Variants in KBTBD3 observed in about 807,000 individuals in gnomAD.
The protein encoded by KBTBD3 is kelch repeat and BTB domain-containing protein 3.
A neutral mutation model predicts 49.6 loss-of-function variants in KBTBD3; 38 were observed. The observed-to-expected ratio is 0.77, with a 90% CI of 0.59 to 1.00. KBTBD3 has a LOEUF of 1.00. Among genes scored for constraint, KBTBD3 ranks in the 50% least tolerant of loss-of-function variants. The pLI is 0.00. For missense variants in KBTBD3, 661 were observed against 712.0 expected, an observed-to-expected ratio of 0.93 and a Z score of 0.81; for synonymous variants, 214 against 250.4, an observed-to-expected ratio of 0.85 and a Z score of 1.37.
chr11:106,065,494 G>A lies in KBTBD3; in HGVS notation c.-12-6385C>T, dbSNP rs73537628. ...AGTGAGAGAAATGGAGGAAAACCAG[G>A]AGAGGCAGTAGAAACTAAGGGAAGA... On this transcript the variant is annotated intron_variant, in intron 2 of 3. Coordinates refer to ENST00000531837, the MANE Select transcript of KBTBD3 (RefSeq NM_198439.3). Among the ~76,000 whole-genome samples the A allele has an allele frequency of 3.3e-3, 502 of 152,286 alleles. 2 individuals are homozygous for A. The highest frequency in any genetic ancestry group is 0.011 in the African/African-American group (476 of 41,554).
At chr11:106,067,784 C>T (rs1591538098) in intron 2 of KBTBD3, among the ~76,000 whole-genome samples, 1 of 151,780 alleles carries the variant, frequency 6.6e-6, no homozygotes, top group East Asian at 1.9e-4. Flanking sequence ...ACTGACGTTG[C>T]AATAATTGCA....
At chr11:106,064,500 T>G (rs1295504943) in intron 2 of KBTBD3, among the ~76,000 whole-genome samples, 1 of 150,924 alleles carries the variant, frequency 6.6e-6, no homozygotes, top group Non-Finnish European at 1.5e-5. Context: ...GCCAAGATCA[T>G]GCCATTGCAC....
intron 2 of KBTBD3, among the ~76,000 whole-genome samples, chr11:106,066,275 T>C (rs1860809629): frequency 1.3e-5 from 2 of 152,184 alleles, no homozygotes; most frequent in South Asian, 4.1e-4. Flanking sequence ...TAGCCATTTA[T>C]TTGTTGTTTA....
At chr11:106,063,751 T>TGTTTATTAGA (rs1311675197) in intron 2 of KBTBD3, among the ~76,000 whole-genome samples, 2 of 152,098 alleles carry the variant, frequency 1.3e-5, no homozygotes, top group East Asian at 3.9e-4. Flanking sequence ...GCCAACATGG[T>TGTTTATTAGA]GAAACCCCTT....
At chr11:106,058,129 A>C (rs1304257690) in intron 3 of KBTBD3, 4 of 387,126 alleles carry the variant, frequency 1.0e-5, no homozygotes, top group African/African-American at 8.3e-5. Flanking sequence ...TCACACCTGT[A>C]ATCCCAGCAC....
intron 2 of KBTBD3, among the ~76,000 whole-genome samples, chr11:106,066,725 A>G (rs1860815529): frequency 1.2e-5 from 1 of 85,818 alleles, no homozygotes; most frequent in African/African-American, 4.8e-5. Context: ...TAAAAATATA[A>G]TCCCTATTAA....
Position 106,053,268 on chromosome 11 carries a change from T to C in KBTBD3, c.1421A>G (p.Asp474Gly). ...TGTAGCATTGTATTTAAAAAAGCAATCAAGTGATGGGTTAAAAGCATCTGT... is the reference window on the plus strand; with the variant it reads ...TGTAGCATTGTATTTAAAAAAGCAACCAAGTGATGGGTTAAAAGCATCTGT... ...EITDAFNPSL[D>G]CFFKYNATTD... The change falls in exon 4 of 4, where the codon GAT becomes GGT. Residue 474 changes from aspartate (D) to glycine (G), a missense_variant. Transcript: ENST00000531837. 6.2e-7 allele frequency: 1 copy of C among 1,613,644 alleles called. No individual in the cohort carries two copies. The highest frequency in any genetic ancestry group is 8.5e-7 in the Non-Finnish European group (1 of 1,179,788).
intron 3 of KBTBD3, among the ~76,000 whole-genome samples, chr11:106,056,955 C>T (rs1247890298): frequency 6.6e-6 from 1 of 151,968 alleles, no homozygotes; most frequent in African/African-American, 2.4e-5. Context: ...ACAGTAAGGG[C>T]CCCAGGGAAG....
chr11:106,060,145 CT>C (rs200174506), intron 2 of KBTBD3, among the ~76,000 whole-genome samples: 118 of 20,718 alleles, frequency 5.7e-3, no homozygotes, highest in African/African-American at 7.9e-3. Flanking sequence ...ATCTTTCTTC[CT>C]TTTTTTGTTT....
rs1305415622 is a variant in KBTBD3 at position 106,053,387 on chromosome 11, C to A, written c.1302G>T (p.Trp434Cys). Residue 434 changes from tryptophan to cysteine, a missense_variant, in exon 4 of 4, where the codon TGG becomes TGT. Coordinates refer to ENST00000531837, the MANE Select transcript of KBTBD3 (RefSeq NM_198439.3). The stretch of plus-strand genomic sequence containing the variant: ...CTCTGGGTAATGGGCTAACAGATAT[C>A]CATTCTTTGGAAAGAGGATTGTAAG... Reference protein sequence around the residue: ...VESYNPLSKEWISVSPLPRGI... With the variant: ...VESYNPLSKECISVSPLPRGI... The A allele has an allele frequency of 1.9e-6, 3 of 1,613,184 alleles. No individual in the cohort carries two copies. Among genetic ancestry groups the A allele is most frequent in the African/African-American group, 2.7e-5 (2 of 74,876 alleles).
At chr11:106,058,480 G>C (rs11600822) in intron 3 of KBTBD3, among the ~76,000 whole-genome samples, 1 of 151,622 alleles carries the variant, frequency 6.6e-6, no homozygotes, top group South Asian at 2.1e-4. Flanking sequence ...GCTGGAGTGC[G>C]GTGGCGCGAT....
At chr11:106,075,650 G>A (rs879357184) in intron 2 of KBTBD3, 1 of 152,226 alleles carries the variant, frequency 6.6e-6, no homozygotes, top group Admixed American at 6.5e-5. Context: ...CAGGGAAGGG[G>A]ATTAAACAAA....
At chr11:106,062,930 G>T (rs1446317989) in intron 2 of KBTBD3, among the ~76,000 whole-genome samples, 1 of 152,144 alleles carries the variant, frequency 6.6e-6, no homozygotes, top group East Asian at 1.9e-4. Context: ...ACCTCACAAG[G>T]CATCTTCATA....
chr11:106,071,406 G>C (rs1860915453), intron 2 of KBTBD3, among the ~76,000 whole-genome samples: 2 of 152,018 alleles, frequency 1.3e-5, no homozygotes, highest in Non-Finnish European at 2.9e-5. Context: ...TCTTGTGTTG[G>C]ATTAAGTCAA....
At chr11:106,074,148 AT>A (rs1860984332) in intron 2 of KBTBD3, among the ~76,000 whole-genome samples, 1 of 143,542 alleles carries the variant, frequency 7.0e-6, no homozygotes, top group African/African-American at 2.5e-5. Flanking sequence ...CTTCTCATAC[AT>A]TAAGAGCTTC....
chr11:106,053,390 T>C lies in KBTBD3; in HGVS notation c.1299A>G (p.Glu433=). 6.2e-7 allele frequency: 1 copy of C among 1,613,418 alleles called. No homozygotes were observed. Among genetic ancestry groups the C allele is most frequent in the Non-Finnish European group, 8.5e-7 (1 of 1,179,772 alleles). The change falls in exon 4 of 4, where the codon GAA becomes GAG. Residue 433 remains glutamate (E), a synonymous_variant. Coordinates refer to ENST00000531837, the MANE Select transcript of KBTBD3 (RefSeq NM_198439.3). ...DVESYNPLSK[E]WISVSPLPRG... ...TGGGTAATGGGCTAACAGATATCCATTCTTTGGAAAGAGGATTGTAAGATT... is the reference window on the plus strand; with the variant it reads ...TGGGTAATGGGCTAACAGATATCCACTCTTTGGAAAGAGGATTGTAAGATT...
At chr11:106,074,265 C>G (rs1480583294) in intron 2 of KBTBD3, among the ~76,000 whole-genome samples, 2 of 152,152 alleles carry the variant, frequency 1.3e-5, no homozygotes, top group Non-Finnish European at 2.9e-5. Context: ...TTCCCTCTAG[C>G]TACCATTCCA....
intron 2 of KBTBD3, among the ~76,000 whole-genome samples, chr11:106,073,258 C>CTTTT (rs374062847): frequency 1.7e-4 from 19 of 113,080 alleles, no homozygotes; most frequent in East Asian, 2.7e-4. Flanking sequence ...GCACACTCAG[C>CTTTT]TTTTTTTTTT....
In KBTBD3 at chr11:106,058,840, C is replaced by A. The variant is rs372797089; in HGVS notation, c.233+25G>T. The A allele has an allele frequency of 9.1e-6, 12 of 1,322,364 alleles. No homozygotes were observed. In the African/African-American group the frequency reaches 1.7e-4, roughly 18 times the overall value. 81.9% of individuals were successfully genotyped at this position (1,322,364 alleles called of 1,614,324 possible). On this transcript the variant is annotated intron_variant, in intron 3 of 3. Transcript: ENST00000531837. ...AACTTAATTATCCAAATCATAAAAT[C>A]TGAGGCATAGACAAGGTAAAGTACC...
Sources: allele counts gnomAD v4.1 joint callset (sites outside exome capture counted in the v4.1 genomes callset), GRCh38; gene constraint gnomAD v4.1.1; transcripts MANE v1.5; gene names NCBI Gene and HGNC (gene_info 2026-07-23, HGNC 2026-07-21).